Variants in TNS1 observed in about 807,000 individuals in gnomAD.
The protein encoded by TNS1 is tensin 1.
A neutral mutation model predicts 168.6 loss-of-function variants in TNS1; 62 were observed. That is an observed-to-expected ratio of 0.37 (90% CI 0.30 to 0.45). The LOEUF (loss-of-function observed/expected upper bound fraction) is 0.45. TNS1 is among the 20% of genes least tolerant of loss of function. The pLI, the probability that TNS1 is intolerant of heterozygous loss-of-function variation, is 1.00. For missense variants in TNS1, 2,240 were observed against 2,339.4 expected, an observed-to-expected ratio of 0.96 and a Z score of 0.88; for synonymous variants, 934 against 933.2, an observed-to-expected ratio of 1.00 and a Z score of -0.02.
intron 1 of TNS1, among the ~76,000 whole-genome samples, chr2:218,031,383 TATGA>T (rs1431283120): frequency 2.0e-5 from 3 of 150,822 alleles, no homozygotes; most frequent in Non-Finnish European, 4.4e-5. Flanking sequence ...TCTGTGTGTG[TATGA>T]ATGTCTTGTG....
At chr2:217,988,467 G>C (rs912866480) in intron 2 of TNS1, among the ~76,000 whole-genome samples, 11 of 152,204 alleles carry the variant, frequency 7.2e-5, no homozygotes, top group Non-Finnish European at 1.0e-4. Context: ...CCCACCCCCA[G>C]ACTGCCTCGT....
chr2:217,925,552 G>A (rs1018254834), intron 3 of TNS1, among the ~76,000 whole-genome samples: 2 of 152,184 alleles, frequency 1.3e-5, no homozygotes, highest in African/African-American at 2.4e-5. Context: ...CGAGACCCAC[G>A]TGCATCTGGG....
intron 1 of TNS1, among the ~76,000 whole-genome samples, chr2:218,023,906 C>G (rs1317582405): frequency 1.3e-5 from 2 of 152,108 alleles, no homozygotes; most frequent in Non-Finnish European, 2.9e-5. Flanking sequence ...TACACCCTTC[C>G]CCAGCTGACC....
intron 3 of TNS1, among the ~76,000 whole-genome samples, chr2:217,935,522 C>A (rs1266038615): frequency 1.3e-5 from 2 of 152,238 alleles, no homozygotes; most frequent in East Asian, 3.8e-4. Flanking sequence ...CACTCCCACG[C>A]TTGGCCTAGC....
At chr2:217,921,455 C>T (rs900915306) in intron 3 of TNS1, among the ~76,000 whole-genome samples, 2 of 152,208 alleles carry the variant, frequency 1.3e-5, no homozygotes, top group African/African-American at 4.8e-5. Context: ...CCTAGCTGAG[C>T]CCTTCCTCCA....
chr2:217,855,185 C>T (rs1947981131), intron 18 of TNS1, among the ~76,000 whole-genome samples: 1 of 152,202 alleles, frequency 6.6e-6, no homozygotes, highest in Admixed American at 6.5e-5. Context: ...AGGCCTCTGC[C>T]TACCTTCTGA....
intron 4 of TNS1, among the ~76,000 whole-genome samples, chr2:217,914,445 G>C (rs1192493485): frequency 1.3e-5 from 2 of 152,228 alleles, no homozygotes; most frequent in Non-Finnish European, 2.9e-5. Context: ...TGTGGAGCTG[G>C]TGCTTCCATC....
At chr2:218,000,329 G>T (rs1482763421) in intron 1 of TNS1, among the ~76,000 whole-genome samples, 1 of 152,220 alleles carries the variant, frequency 6.6e-6, no homozygotes, top group Non-Finnish European at 1.5e-5. Flanking sequence ...AACTATCTCA[G>T]TCACTTCCTG....
intron 3 of TNS1, among the ~76,000 whole-genome samples, chr2:217,974,873 G>A (rs1180298792): frequency 1.3e-5 from 2 of 152,184 alleles, no homozygotes; most frequent in African/African-American, 4.8e-5. Context: ...GGCATCTGTA[G>A]TGTCACCCTC....
intron 2 of TNS1, among the ~76,000 whole-genome samples, chr2:217,990,731 A>G (rs1958344762): frequency 6.6e-6 from 1 of 152,078 alleles, no homozygotes; most frequent in Admixed American, 6.5e-5. Context: ...GCTGCATGCC[A>G]TTTCCATGCT....
chr2:217,897,756 CAT>C (rs1559322249), intron 8 of TNS1, 40 bp downstream of exon 8: 5 of 1,521,076 alleles, frequency 3.3e-6, no homozygotes, highest in Non-Finnish European at 4.4e-6. Context: ...CAGATGGAAG[CAT>C]AGAGGGCACA....
chr2:218,025,501 C>G (rs530834539), intron 1 of TNS1, among the ~76,000 whole-genome samples: 1 of 152,032 alleles, frequency 6.6e-6, no homozygotes, highest in Non-Finnish European at 1.5e-5. Context: ...CTGCCCACCT[C>G]GGCCTCCCAA....
chr2:217,920,522 C>T lies in TNS1; in HGVS notation c.187-286G>A, dbSNP rs74988442. Reference sequence around the variant, plus strand: ...GCTGGGAGACTGGAGATCACTGCACCGGCATTTCAATAACAGAAGCTTCAG... The same window carrying T: ...GCTGGGAGACTGGAGATCACTGCACTGGCATTTCAATAACAGAAGCTTCAG... On this transcript the variant is annotated intron_variant, in intron 3 of 32. Coordinates refer to ENST00000682258, the MANE Select transcript of TNS1 (RefSeq NM_001387777.1). Among the ~76,000 whole-genome samples the T allele has an allele frequency of 0.019, 2,809 of 150,686 alleles. 136 individuals are homozygous for T. The East Asian group carries it at 0.2, about 10-fold the overall frequency.
intron 3 of TNS1, among the ~76,000 whole-genome samples, chr2:217,947,348 G>A (rs1005928484): frequency 3.3e-5 from 5 of 152,164 alleles, no homozygotes; most frequent in African/African-American, 1.2e-4. Context: ...GGAGAAAAGA[G>A]GTGAGGAGAT....
In TNS1 at chr2:217,862,274, G is replaced by A. The variant is rs866608095; in HGVS notation, c.1430-13187C>T. Among the ~76,000 whole-genome samples, 354 of 151,282 alleles carry A rather than the reference G, an allele frequency of 2.3e-3. 5 individuals carry two copies. Among genetic ancestry groups the A allele is most frequent in the African/African-American group, 8.0e-3 (331 of 41,166 alleles). On this transcript the variant is annotated intron_variant, in intron 18 of 32. Coordinates refer to ENST00000682258, the MANE Select transcript of TNS1 (RefSeq NM_001387777.1). ...TCGTCTTACCATGTTTCTATTTGGG[G>A]GAAAAAAAAAGACAATTTTTTTTCT...
At chr2:217,847,009 G>C (rs1437826660) in intron 19 of TNS1, among the ~76,000 whole-genome samples, 1 of 152,190 alleles carries the variant, frequency 6.6e-6, no homozygotes, top group Non-Finnish European at 1.5e-5. Flanking sequence ...GTCTACAAAG[G>C]CCTCCCTCCA....
At chr2:217,823,034 A>G (rs1049322531) in intron 22 of TNS1, among the ~76,000 whole-genome samples, 1 of 152,124 alleles carries the variant, frequency 6.6e-6, no homozygotes, top group African/African-American at 2.4e-5. Flanking sequence ...AAACTGAAGA[A>G]CCAGAGTCTG....
At chr2:217,962,033 CA>C (rs772999312) in intron 3 of TNS1, among the ~76,000 whole-genome samples, 1 of 152,210 alleles carries the variant, frequency 6.6e-6, no homozygotes, top group African/African-American at 2.4e-5. Context: ...CTCTGGCCTA[CA>C]CACTTCACAC....
intron 3 of TNS1, among the ~76,000 whole-genome samples, chr2:217,939,492 G>T (rs1956799345): frequency 6.6e-6 from 1 of 152,236 alleles, no homozygotes. Flanking sequence ...GTGAGCAAAT[G>T]GGAAACTTGC....
Sources: gnomAD v4.1 joint callset for allele counts (sites outside exome capture counted in the v4.1 genomes callset) on GRCh38, gnomAD v4.1.1 for gene constraint, MANE v1.5 for transcripts, NCBI Gene and HGNC (gene_info 2026-07-23, HGNC 2026-07-21) for gene names.